Variants in NCOR1 observed in about 807,000 individuals in gnomAD.
The protein encoded by NCOR1 is protein phosphatase 1, regulatory subunit 109.
NCOR1 carries 63 observed loss-of-function variants against 288.1 expected under a neutral mutation model. The observed-to-expected ratio is 0.22, with a 90% CI of 0.18 to 0.27. The LOEUF (loss-of-function observed/expected upper bound fraction) is 0.27, where lower values mean the gene tolerates loss of function less well. Ranked by LOEUF, NCOR1 falls within the 10% of genes least tolerant of loss-of-function variation. The pLI is 1.00. For missense variants in NCOR1, 2,397 were observed against 3,019.2 expected, an observed-to-expected ratio of 0.79 and a Z score of 4.83; for synonymous variants, 1,007 against 1,065.9, an observed-to-expected ratio of 0.94 and a Z score of 1.08.
At chr17:16,052,563 T>C (rs781059023) in intron 40 of NCOR1, among the ~76,000 whole-genome samples, 1 of 152,116 alleles carries the variant, frequency 6.6e-6, no homozygotes, top group Non-Finnish European at 1.5e-5. Flanking sequence ...AAAAAACTGA[T>C]TCCCTGAACA....
intron 44 of NCOR1, among the ~76,000 whole-genome samples, chr17:16,035,216 G>A (rs1208975201): frequency 2.0e-5 from 3 of 152,178 alleles, no homozygotes; most frequent in Non-Finnish European, 4.4e-5. Context: ...TGGGATGGCT[G>A]TGGCAATTTC....
At chr17:16,115,398 C>A (rs1316976619) in intron 18 of NCOR1, among the ~76,000 whole-genome samples, 5 of 152,224 alleles carry the variant, frequency 3.3e-5, no homozygotes, top group Non-Finnish European at 7.3e-5. Flanking sequence ...ATTCCTGCAG[C>A]AGGCTTGAAT....
Position 16,046,472 on chromosome 17 carries a change from TA to T in NCOR1, c.6679+478del, listed in dbSNP as rs1262246963. On this transcript the variant is annotated intron_variant, in intron 42 of 45. Coordinates refer to ENST00000268712, the MANE Select transcript of NCOR1 (RefSeq NM_006311.4). ...CTCGAAACCTAGTGAAAGGCTAGGT[TA>T]AATGTTTTTGGTGGAGAATAACTGA... 5.3e-5 allele frequency among the ~76,000 whole-genome samples: 8 copies of T among 152,324 alleles called. No individual in the cohort carries two copies. In the East Asian group the frequency reaches 1.5e-3, roughly 29 times the overall value.
chr17:16,044,427 T>C, intron 42 of NCOR1: 1 of 471,638 alleles, frequency 2.1e-6, no homozygotes. Context: ...AGGCCCCCAC[T>C]TTCCTTTCTT....
intron 11 of NCOR1, among the ~76,000 whole-genome samples, chr17:16,140,692 T>C (rs897463721): frequency 1.3e-5 from 2 of 152,118 alleles, no homozygotes; most frequent in Non-Finnish European, 2.9e-5. Context: ...CATGTGCCTG[T>C]AGTCCCTGCT....
At chr17:16,157,305 G>A (rs184257584) in intron 6 of NCOR1, among the ~76,000 whole-genome samples, 96 of 151,990 alleles carry the variant, frequency 6.3e-4, no homozygotes, top group Non-Finnish European at 1.3e-3. Context: ...CAATAAATTG[G>A]ACTAATATTG....
chr17:16,156,334 G>T, intron 6 of NCOR1, among the ~76,000 whole-genome samples: 1 of 151,892 alleles, frequency 6.6e-6, no homozygotes, highest in East Asian at 1.9e-4. Flanking sequence ...TACTTGGGAG[G>T]CTGAGGCAGG....
At chr17:16,056,686 C>T (rs1300434631) in intron 40 of NCOR1, among the ~76,000 whole-genome samples, 1 of 152,078 alleles carries the variant, frequency 6.6e-6, no homozygotes, top group Non-Finnish European at 1.5e-5. Flanking sequence ...AATATTTAGT[C>T]TACCACTTTG....
At chr17:16,102,114 A>T (rs2067728037) in intron 19 of NCOR1, among the ~76,000 whole-genome samples, 1 of 152,210 alleles carries the variant, frequency 6.6e-6, no homozygotes, top group Non-Finnish European at 1.5e-5. Context: ...ATTCTGGTGT[A>T]TTTCTAGAAG....
chr17:16,197,653 C>G (rs930877667), intron 1 of NCOR1, among the ~76,000 whole-genome samples: 1 of 152,112 alleles, frequency 6.6e-6, no homozygotes, highest in African/African-American at 2.4e-5. Context: ...ATGTTTTCTG[C>G]AATGCTTTGC....
At chr17:16,087,038 G>A (rs915686435) in intron 22 of NCOR1, 2 of 580,796 alleles carry the variant, frequency 3.4e-6, no homozygotes, top group Non-Finnish European at 5.2e-6. Context: ...ATGATGGAAC[G>A]CAGAGAAACA....
At chr17:16,175,284 C>T (rs891624858) in intron 3 of NCOR1, among the ~76,000 whole-genome samples, 1 of 151,924 alleles carries the variant, frequency 6.6e-6, no homozygotes, top group Non-Finnish European at 1.5e-5. Context: ...AGGAGAATCG[C>T]TTGAACCCAG....
chr17:16,112,539 C>T (rs193065949), intron 18 of NCOR1, among the ~76,000 whole-genome samples: 63 of 152,020 alleles, frequency 4.1e-4, no homozygotes, highest in African/African-American at 1.0e-3. Flanking sequence ...CTCTGTCGCC[C>T]GGCTGGAGTA....
intron 32 of NCOR1, among the ~76,000 whole-genome samples, chr17:16,067,010 T>C (rs566313126): frequency 4.6e-5 from 7 of 152,282 alleles, no homozygotes; most frequent in African/African-American, 1.4e-4. Flanking sequence ...GCTCAGCCAA[T>C]AGCGGCAAGG....
intron 17 of NCOR1, among the ~76,000 whole-genome samples, chr17:16,118,592 C>T (rs1316435420): frequency 2.6e-5 from 4 of 152,128 alleles, no homozygotes; most frequent in Non-Finnish European, 5.9e-5. Context: ...TATATATGCA[C>T]ACACATAAAC....
rs548908649 is a variant in NCOR1 at position 16,074,962 on chromosome 17, G to C, written c.3670+572C>G. 1.3e-3 allele frequency among the ~76,000 whole-genome samples: 202 copies of C among 152,210 alleles called. 1 individual carries two copies. Among genetic ancestry groups the C allele is most frequent in the African/African-American group, 4.6e-3 (192 of 41,532 alleles). On this transcript the variant is annotated intron_variant, in intron 27 of 45. Transcript: ENST00000268712. Reference sequence around the variant, plus strand: ...AGCTCACTGCAAGTTCTGCCTCCCGGGTTCACGCCATTCTCCTGGCTCAGC... The same window carrying C: ...AGCTCACTGCAAGTTCTGCCTCCCGCGTTCACGCCATTCTCCTGGCTCAGC...
chr17:16,145,289 T>C (rs1039564838), intron 10 of NCOR1, among the ~76,000 whole-genome samples: 1 of 152,206 alleles, frequency 6.6e-6, no homozygotes, highest in African/African-American at 2.4e-5. Flanking sequence ...CCTCCCAAAG[T>C]GCCGAGATTG....
intron 40 of NCOR1, among the ~76,000 whole-genome samples, chr17:16,051,784 T>C (rs2152497814): frequency 6.6e-6 from 1 of 152,128 alleles, no homozygotes; most frequent in East Asian, 1.9e-4. Flanking sequence ...TGGTGGCACA[T>C]GCCTGTAATC....
intron 3 of NCOR1, among the ~76,000 whole-genome samples, chr17:16,185,781 C>T (rs962466843): frequency 4.1e-5 from 6 of 146,400 alleles, no homozygotes; most frequent in African/African-American, 1.5e-4. Context: ...GCCTGGGCAA[C>T]ATGGCGAAAT....
Sources: gnomAD v4.1 joint callset for allele counts (sites outside exome capture counted in the v4.1 genomes callset) on GRCh38, gnomAD v4.1.1 for gene constraint, MANE v1.5 for transcripts, NCBI Gene and HGNC (gene_info 2026-07-23, HGNC 2026-07-21) for gene names.